The following ECT2L variants were observed in gnomAD, a reference collection of about 807,000 sequenced individuals.
ECT2L encodes the protein epithelial cell-transforming sequence 2 oncogene-like.
In ECT2L, 126 loss-of-function variants were observed where a neutral mutation model predicts 122.8. The ratio of observed to expected loss-of-function variants is 1.03; its 90% CI spans 0.89 to 1.19. ECT2L has a LOEUF of 1.19. Ranked by LOEUF, ECT2L falls within the 50% of genes most tolerant of loss-of-function variation. The pLI, the probability that ECT2L is intolerant of heterozygous loss-of-function variation, is 0.00. For missense variants in ECT2L, 1,012 were observed against 1,064.1 expected (o/e 0.95, Z 0.68); for synonymous variants, 385 against 381.8 (o/e 1.01, Z -0.10).
intron 6 of ECT2L, 27 bp from the exon 7 acceptor site, chr6:138,844,385 C>T: frequency 1.2e-6 from 2 of 1,608,906 alleles, no homozygotes; most frequent in South Asian, 2.2e-5. Flanking sequence ...AAGTAATCAG[C>T]CCCGCCTGCT....
intron 13 of ECT2L, among the ~76,000 whole-genome samples, chr6:138,868,580 A>C (rs1778133736): frequency 6.6e-6 from 1 of 152,188 alleles, no homozygotes; most frequent in South Asian, 2.1e-4. Context: ...AAATCTGAGA[A>C]AGTGTGACCC....
Position 138,862,659 on chromosome 6 carries a change from CAACT to C in ECT2L, c.1236_1239del (p.Thr413AlafsTer51). 1 of 1,614,190 alleles carries C rather than the reference CAACT, an allele frequency of 6.2e-7. No individual in the cohort carries two copies. Among genetic ancestry groups the C allele is most frequent in the African/African-American group, 1.3e-5 (1 of 75,062 alleles). On this transcript the variant is annotated frameshift_variant, in exon 11 of 22. Coordinates refer to ENST00000541398, the MANE Select transcript of ECT2L (RefSeq NM_001077706.3). LOFTEE classifies it high-confidence loss of function. ...AATTGAAGTTCTTTCCCAGCTGTCT[CAACT>C]AACTGGCACGTTCTTTACGGCCCCC...
At chr6:138,807,838 T>C (rs899574999) in intron 1 of ECT2L, among the ~76,000 whole-genome samples, 1 of 152,134 alleles carries the variant, frequency 6.6e-6, no homozygotes, top group East Asian at 1.9e-4. Flanking sequence ...TGTATGTGGG[T>C]CTGTTTCTGA....
At chr6:138,877,393 G>T (rs951237727) in intron 14 of ECT2L, among the ~76,000 whole-genome samples, 1 of 152,126 alleles carries the variant, frequency 6.6e-6, no homozygotes, top group Admixed American at 6.5e-5. Context: ...TATCTCATCT[G>T]ACTATTAGTA....
At chr6:138,850,739 C>T (rs1397172717) in intron 9 of ECT2L, among the ~76,000 whole-genome samples, 4 of 151,992 alleles carry the variant, frequency 2.6e-5, no homozygotes, top group African/African-American at 7.2e-5. Flanking sequence ...CAGTGGCTCA[C>T]GCCTATAATC....
rs1776917557 is a variant in ECT2L, at chr6:138,838,359, C to T, written c.187C>T (p.Gln63Ter). 19 of 1,597,718 alleles carry T rather than the reference C, an allele frequency of 1.2e-5. No individual in the cohort carries two copies. Among genetic ancestry groups the T allele is most frequent in the Non-Finnish European group, 1.6e-5 (19 of 1,174,398 alleles). The change falls in exon 5 of 22, where the codon CAA (glutamine) becomes TAA (stop). Residue 63 changes from glutamine to a stop codon, truncating the protein, a stop_gained. Coordinates refer to ENST00000541398, the MANE Select transcript of ECT2L (RefSeq NM_001077706.3). LOFTEE classifies it high-confidence loss of function. Reference protein sequence around the residue: ...RCTKSQLRFVQDWFSERMQVA... With the variant: ...RCTKSQLRFV Reference sequence around the variant, plus strand: ...ATTTCTCTTTCTTTTTAGGTTTGTCCAAGACTGGTTTTCAGAAAGGATGCA... The same window carrying T: ...ATTTCTCTTTCTTTTTAGGTTTGTCTAAGACTGGTTTTCAGAAAGGATGCA...
chr6:138,803,708 T>TA (rs927052213), intron 1 of ECT2L, among the ~76,000 whole-genome samples: 76 of 152,214 alleles, frequency 5.0e-4, no homozygotes, highest in African/African-American at 1.8e-3. Context: ...AAATCACTTG[T>TA]AAAGCCTCAA....
intron 1 of ECT2L, among the ~76,000 whole-genome samples, chr6:138,811,831 G>A (rs1775910411): frequency 6.6e-6 from 1 of 152,040 alleles, no homozygotes; most frequent in Non-Finnish European, 1.5e-5. Flanking sequence ...TGGGATTACA[G>A]GTGTGTGCCA....
At chr6:138,823,575 A>G in intron 4 of ECT2L, 4 of 1,472,572 alleles carry the variant, frequency 2.7e-6, no homozygotes, top group Non-Finnish European at 2.8e-6. Flanking sequence ...CAGCTGCAAC[A>G]TGAGCAAACG....
intron 20 of ECT2L, among the ~76,000 whole-genome samples, chr6:138,892,049 G>T (rs907942940): frequency 5.3e-5 from 8 of 151,960 alleles, no homozygotes; most frequent in Admixed American, 4.6e-4. Flanking sequence ...CTCTTCATCT[G>T]GTATTCCCAT....
intron 4 of ECT2L, among the ~76,000 whole-genome samples, chr6:138,829,241 C>T (rs1190898814): frequency 6.6e-6 from 1 of 152,100 alleles, no homozygotes; most frequent in African/African-American, 2.4e-5. Flanking sequence ...ACTTGGGATA[C>T]CATTTCCCCA....
chr6:138,902,856 T>TA lies in ECT2L; in HGVS notation c.*230dup, dbSNP rs1272308718. ...CAAAATTTTGAACTACTTCTTTTGG[T>TA]AGCTGTATTTCATGGATAATATTAT... is the stretch of plus-strand genomic sequence containing the variant. On this transcript the variant is annotated 3_prime_UTR_variant, in exon 22 of 22. Coordinates refer to ENST00000541398, the MANE Select transcript of ECT2L (RefSeq NM_001077706.3). 2 of 444,032 alleles carry TA rather than the reference T, an allele frequency of 4.5e-6. No individual in the cohort carries two copies. The highest frequency in any genetic ancestry group is 8.2e-5 in the Admixed American group (2 of 24,266). The allele number at this position is 444,032 out of a possible 1,614,324, so 27.5% of individuals were successfully genotyped here. A position where few individuals can be genotyped will look rare whatever the true frequency, so the allele number is the denominator to read the frequency against.
intron 4 of ECT2L, among the ~76,000 whole-genome samples, chr6:138,815,272 C>A (rs1274503950): frequency 5.9e-5 from 9 of 152,328 alleles, no homozygotes; most frequent in Middle Eastern, 3.4e-3. Context: ...TACTAATTAG[C>A]ATAGCAAATA....
At chr6:138,831,174 T>A (rs1280566809) in intron 4 of ECT2L, among the ~76,000 whole-genome samples, 1 of 152,196 alleles carries the variant, frequency 6.6e-6, no homozygotes, top group African/African-American at 2.4e-5. Context: ...TACATCTCTA[T>A]CAATACCAGC....
chr6:138,893,427 A>AT (rs1187608184), intron 20 of ECT2L, among the ~76,000 whole-genome samples: 53 of 148,400 alleles, frequency 3.6e-4, no homozygotes, highest in South Asian at 6.4e-4. Context: ...TTTTATTTTT[A>AT]TTTTTTTTTG....
rs11443579 is a variant in ECT2L, at chr6:138,871,980, AT to A, written c.1578+3785del. Among the ~76,000 whole-genome samples, 117 of 148,520 alleles carry A rather than the reference AT, an allele frequency of 7.9e-4. 1 individual carries two copies. The South Asian group carries it at 0.016, about 20-fold the overall frequency. On this transcript the variant is annotated intron_variant, in intron 13 of 21. Transcript: ENST00000541398. The stretch of plus-strand genomic sequence containing the variant: ...ACAGGAGTCTTTATTTTATTTTTTA[AT>A]TTTTTTTTTTGAGATGGGGCCTCGC...
At chr6:138,822,946 C>T in intron 4 of ECT2L, 1 of 1,612,704 alleles carries the variant, frequency 6.2e-7, no homozygotes. Flanking sequence ...GCAATTTATG[C>T]CTATTACAAG....
chr6:138,862,893 T>C (rs1269366630), intron 11 of ECT2L, among the ~76,000 whole-genome samples, 174 bp downstream of exon 11: 1 of 152,228 alleles, frequency 6.6e-6, no homozygotes, highest in Non-Finnish European at 1.5e-5. Context: ...TATCATTCAG[T>C]CATTTGCTTA....
rs1462584097 is a variant in ECT2L, at chr6:138,900,862, GTGAC to G, written c.2415-84_2415-81del. ...AGTAGTGGGGTAAAAGCCTTGACTA[GTGAC>G]TTATCAATTTCAAGATGCTTAACTA... On this transcript the variant is annotated intron_variant, in intron 20 of 21. Coordinates refer to ENST00000541398, the MANE Select transcript of ECT2L (RefSeq NM_001077706.3). 4 of 1,406,350 alleles carry G rather than the reference GTGAC, an allele frequency of 2.8e-6. No individual in the cohort carries two copies. In the East Asian group the frequency reaches 9.6e-5, roughly 34 times the overall value. 87.1% of individuals were successfully genotyped at this position (1,406,350 alleles called of 1,614,324 possible).
Sources: gnomAD v4.1 joint callset for allele counts (sites outside exome capture counted in the v4.1 genomes callset) on GRCh38, gnomAD v4.1.1 for gene constraint, MANE v1.5 for transcripts, NCBI Gene and HGNC (gene_info 2026-07-23, HGNC 2026-07-21) for gene names.